Variants in SEPTIN14 observed in about 807,000 individuals in gnomAD.
The protein encoded by SEPTIN14 is septin 14, also known as septin-14.
SEPTIN14 carries 40 observed loss-of-function variants against 53.6 expected under a neutral mutation model. That is an observed-to-expected ratio of 0.75 (90% CI 0.58 to 0.97). SEPTIN14 has a LOEUF of 0.97. Among genes scored for constraint, SEPTIN14 ranks in the 50% least tolerant of loss-of-function variants. The probability of loss-of-function intolerance (pLI) is 0.00; values close to 1 mark genes in which losing one functional copy is unlikely to be tolerated. For missense variants in SEPTIN14, 471 were observed against 508.2 expected, an observed-to-expected ratio of 0.93 and a Z score of 0.70; for synonymous variants, 138 against 166.8, an observed-to-expected ratio of 0.83 and a Z score of 1.33.
intron 5 of SEPTIN14, among the ~76,000 whole-genome samples, chr7:55,835,185 TTTTATTTA>T (rs560812909): frequency 4.6e-5 from 7 of 151,622 alleles, no homozygotes; most frequent in South Asian, 2.1e-4. Flanking sequence ...ATGTAAATTA[TTTTATTTA>T]TTTATTTATT....
intron 7 of SEPTIN14, among the ~76,000 whole-genome samples, chr7:55,815,193 CA>C (rs1157006931): frequency 2.0e-5 from 3 of 152,114 alleles, no homozygotes; most frequent in African/African-American, 7.2e-5. Flanking sequence ...GAAACGACTA[CA>C]AAAAACATTG....
chr7:55,846,525 A>G lies in SEPTIN14; in HGVS notation c.167T>C (p.Leu56Pro), dbSNP rs1188630583. The G allele has an allele frequency of 6.3e-7, 1 of 1,587,358 alleles. No homozygotes were observed. Among genetic ancestry groups the G allele is most frequent in the East Asian group, 2.3e-5 (1 of 44,290 alleles). ...AGGTGTTTGACACTTACCCACACAG[A>G]GAATATTAAAAGTGAATCCTTGTCG... ...SIRQGFTFNI[L>P]CVGETGIGKS... Residue 56 changes from leucine to proline, a missense_variant, in exon 3 of 10, where the codon CTC (leucine) becomes CCC (proline). Leu to Pro is a moderately conservative substitution (Grantham distance 98). Coordinates refer to ENST00000388975, the MANE Select transcript of SEPTIN14 (RefSeq NM_207366.3).
intron 7 of SEPTIN14, among the ~76,000 whole-genome samples, chr7:55,814,887 G>T (rs990163996): frequency 3.3e-5 from 5 of 152,034 alleles, no homozygotes; most frequent in Admixed American, 3.3e-4. Flanking sequence ...ACCTGACTTC[G>T]AATTATACTA....
Position 55,843,007 on chromosome 7 carries a change from T to C in SEPTIN14, c.493A>G (p.Ile165Val), listed in dbSNP as rs1253217176. Reference sequence around the variant, plus strand: ...TTCAGGGAATGTCCTGTAGGTGAAATGAAGTAAAGACACACGTGGACGCGA... The same window carrying C: ...TTCAGGGAATGTCCTGTAGGTGAAACGAAGTAAAGACACACGTGGACGCGA... ...DSRVHVCLYF[I>V]SPTGHSLKSL... is the part of the protein sequence containing the mutation. Residue 165 changes from isoleucine (I) to valine (V), a missense_variant, in exon 5 of 10, where the codon ATT (isoleucine) becomes GTT (valine). Ile to Val is a conservative substitution (Grantham distance 29). Transcript: ENST00000388975. The C allele has an allele frequency of 1.9e-6, 3 of 1,578,904 alleles. No homozygotes were observed. The highest frequency in any genetic ancestry group is 1.2e-5 in the South Asian group (1 of 86,342).
chr7:55,830,912 C>T (rs1182342041), intron 6 of SEPTIN14, among the ~76,000 whole-genome samples: 1 of 152,028 alleles, frequency 6.6e-6, no homozygotes, highest in African/African-American at 2.4e-5. Flanking sequence ...TGGTACCAGT[C>T]TTACTGAAAC....
At chr7:55,830,345 A>ATTTTTTTTTT (rs1337453699) in intron 6 of SEPTIN14, among the ~76,000 whole-genome samples, 1 of 40,104 alleles carries the variant, frequency 2.5e-5, no homozygotes, top group African/African-American at 1.9e-4. Context: ...ATATATATAT[A>ATTTTTTTTTT]TATATTTTTT....
At chr7:55,855,612 G>C (rs1789609202) in intron 2 of SEPTIN14, among the ~76,000 whole-genome samples, 1 of 152,166 alleles carries the variant, frequency 6.6e-6, no homozygotes, top group South Asian at 2.1e-4. Context: ...CTGGAGTGCA[G>C]TGGTGCGATC....
intron 7 of SEPTIN14, among the ~76,000 whole-genome samples, chr7:55,812,728 A>G (rs1788722889): frequency 6.6e-6 from 1 of 152,132 alleles, no homozygotes; most frequent in Non-Finnish European, 1.5e-5. Flanking sequence ...TTTTAATATT[A>G]TATCAAGAAA....
At chr7:55,811,092 G>A (rs771467809) in intron 7 of SEPTIN14, 13 of 456,682 alleles carry the variant, frequency 2.8e-5, no homozygotes, top group Non-Finnish European at 5.1e-5. Context: ...TGTTTCAGCA[G>A]ATGTCAGGGG....
Position 55,807,157 on chromosome 7 carries a change from A to G in SEPTIN14, c.919T>C (p.Cys307Arg). ...TTCTGCAGTTTTTGGTACCTATAACATTCATAGTGCTGAGTGTGGGTTTTT... is the reference window on the plus strand; with the variant it reads ...TTCTGCAGTTTTTGGTACCTATAACGTTCATAGTGCTGAGTGTGGGTTTTT... ...KEKTHTQHYE[C>R]YRYQKLQKMG... is the part of the protein sequence containing the mutation. The change falls in exon 8 of 10, where the codon TGT becomes CGT. Residue 307 changes from cysteine (C) to arginine (R), a missense_variant. Coordinates refer to ENST00000388975, the MANE Select transcript of SEPTIN14 (RefSeq NM_207366.3). 1 of 1,610,980 alleles carries G rather than the reference A, an allele frequency of 6.2e-7. No homozygotes were observed. Among genetic ancestry groups the G allele is most frequent in the Non-Finnish European group, 8.5e-7 (1 of 1,178,982 alleles).
chr7:55,851,245 C>A (rs1376041974), intron 2 of SEPTIN14, among the ~76,000 whole-genome samples: 1 of 152,150 alleles, frequency 6.6e-6, no homozygotes, highest in East Asian at 1.9e-4. Context: ...TAATCACCAT[C>A]ATGATCACCA....
At chr7:55,861,109 C>T (rs946479205) in intron 2 of SEPTIN14, among the ~76,000 whole-genome samples, 3 of 152,086 alleles carry the variant, frequency 2.0e-5, no homozygotes, top group African/African-American at 7.2e-5. Flanking sequence ...GAGTATTAAC[C>T]ATGATTTGTT....
At chr7:55,809,231 G>C (rs1401205660) in intron 7 of SEPTIN14, among the ~76,000 whole-genome samples, 1 of 151,858 alleles carries the variant, frequency 6.6e-6, no homozygotes, top group Non-Finnish European at 1.5e-5. Context: ...AGACACAAAG[G>C]GGAGAACAAC....
At position 55,853,714 on chromosome 7, in the gene SEPTIN14, T is replaced by C. The variant is rs111740436; in HGVS notation, c.55-7077A>G. Among the ~76,000 whole-genome samples, 178 of 152,294 alleles carry C rather than the reference T, an allele frequency of 1.2e-3. 2 individuals are homozygous for C. Among genetic ancestry groups the C allele is most frequent in the African/African-American group, 4.1e-3 (171 of 41,566 alleles). ...ACAAAGAAATGAAAAATACTTAAGGTAGTGGATACTCCATTTATCCTGATA... is the reference window on the plus strand; with the variant it reads ...ACAAAGAAATGAAAAATACTTAAGGCAGTGGATACTCCATTTATCCTGATA... On this transcript the variant is annotated intron_variant, in intron 2 of 9. Coordinates refer to ENST00000388975, the MANE Select transcript of SEPTIN14 (RefSeq NM_207366.3).
chr7:55,799,077 A>G (rs1412050218), intron 9 of SEPTIN14, among the ~76,000 whole-genome samples: 1 of 152,218 alleles, frequency 6.6e-6, no homozygotes, highest in Non-Finnish European at 1.5e-5. Context: ...AAATTACTTT[A>G]AAAGTAAATA....
chr7:55,830,394 T>G (rs1444841688), intron 6 of SEPTIN14, among the ~76,000 whole-genome samples: 1 of 133,120 alleles, frequency 7.5e-6, no homozygotes. Context: ...TCTACCAGGC[T>G]GGAGTGCAGT....
At chr7:55,854,572 G>A (rs1789577657) in intron 2 of SEPTIN14, among the ~76,000 whole-genome samples, 1 of 152,076 alleles carries the variant, frequency 6.6e-6, no homozygotes, top group South Asian at 2.1e-4. Flanking sequence ...TGGGACCATA[G>A]GCACCCGCCA....
chr7:55,836,577 A>G (rs1789211444), intron 5 of SEPTIN14, among the ~76,000 whole-genome samples: 1 of 152,120 alleles, frequency 6.6e-6, no homozygotes. Flanking sequence ...CGTCTCTACT[A>G]AAAATGCAAA....
At chr7:55,808,911 A>G (rs893027167) in intron 7 of SEPTIN14, among the ~76,000 whole-genome samples, 1 of 152,220 alleles carries the variant, frequency 6.6e-6, no homozygotes, top group Non-Finnish European at 1.5e-5. Flanking sequence ...TCCCATTACC[A>G]GGTTTATATC....
Sources: allele counts gnomAD v4.1 joint callset (sites outside exome capture counted in the v4.1 genomes callset), GRCh38; gene constraint gnomAD v4.1.1; transcripts MANE v1.5; gene names NCBI Gene and HGNC (gene_info 2026-07-23, HGNC 2026-07-21).